The following CDKL5 variants were observed in gnomAD, a reference collection of about 807,000 sequenced individuals.
CDKL5 encodes cyclin dependent kinase like 5.
In CDKL5, 8 loss-of-function variants were observed where a neutral mutation model predicts 61.7. The observed-to-expected ratio is 0.13, with a 90% confidence interval of 0.08 to 0.23. CDKL5 has a LOEUF of 0.23. Ranked by LOEUF, CDKL5 falls within the 10% of genes least tolerant of loss-of-function variation. The pLI is 1.00. For synonymous variants in CDKL5, 275 were observed against 272.3 expected (o/e 1.01, Z -0.10); for missense variants, 440 against 734.5 (o/e 0.60, Z 4.63).
At chrX:18,535,166 A>T (rs755942027) in intron 3 of CDKL5, 1 of 113,774 alleles carries the variant, frequency 8.8e-6, no homozygotes. Context: ...CATTTCCCCA[A>T]TCCTGCTCCT....
chrX:18,496,948 C>G (rs1350450913), intron 1 of CDKL5, among the ~76,000 whole-genome samples: 1 of 109,798 alleles, frequency 9.1e-6, no homozygotes, highest in East Asian at 2.8e-4. Context: ...CTGGGGTGCC[C>G]TTGGCCAAGA....
chrX:18,484,748 T>G (rs187663458), intron 1 of CDKL5, among the ~76,000 whole-genome samples: 85 of 110,401 alleles, frequency 7.7e-4, no homozygotes, highest in African/African-American at 2.7e-3. Flanking sequence ...ATGGTAAATC[T>G]GTAGGGAATT....
intron 1 of CDKL5, among the ~76,000 whole-genome samples, chrX:18,499,469 TC>T (rs1922305097): frequency 9.3e-6 from 1 of 107,789 alleles, no homozygotes. Context: ...CATGCCATTC[TC>T]CTGCCTCAGC....
intron 7 of CDKL5, 150 bp from the exon 8 acceptor site, chrX:18,584,113 A>T: frequency 2.0e-6 from 1 of 489,556 alleles, no homozygotes; most frequent in Non-Finnish European, 3.7e-6. Context: ...TTTTAAGATA[A>T]CAAGGATATT....
intron 3 of CDKL5, among the ~76,000 whole-genome samples, chrX:18,546,541 C>T (rs1056222220): frequency 8.9e-6 from 1 of 111,859 alleles, no homozygotes; most frequent in Non-Finnish European, 1.9e-5. Context: ...GGATTACAGG[C>T]GTGAGCCATT....
At chrX:18,518,385 C>CTTTTTTTTTTTTTTTTTTTTT (rs1195931109) in intron 3 of CDKL5, among the ~76,000 whole-genome samples, 3 of 22,792 alleles carry the variant, frequency 1.3e-4, no homozygotes, top group African/African-American at 4.6e-4. Context: ...CTTTTCTTTT[C>CTTTTTTTTTTTTTTTTTTTTT]TTATTTTTTT....
chrX:18,527,932 T>G (rs1923504219), intron 3 of CDKL5, among the ~76,000 whole-genome samples: 1 of 112,109 alleles, frequency 8.9e-6, no homozygotes, highest in African/African-American at 3.2e-5. Flanking sequence ...AAATTTCTCT[T>G]CAGACTTCTT....
intron 1 of CDKL5, among the ~76,000 whole-genome samples, chrX:18,440,732 A>G (rs1276911193): frequency 2.7e-5 from 3 of 111,430 alleles, no homozygotes; most frequent in Admixed American, 9.6e-5. Flanking sequence ...TTCAGCCTCC[A>G]TATAATCTTT....
intron 1 of CDKL5, among the ~76,000 whole-genome samples, chrX:18,461,071 T>G (rs966679101): frequency 1.3e-4 from 15 of 112,394 alleles, no homozygotes; most frequent in African/African-American, 4.8e-4. Flanking sequence ...TTGTTTCCAT[T>G]TTATTGCATG....
intron 3 of CDKL5, among the ~76,000 whole-genome samples, chrX:18,562,984 A>T (rs1473302954): frequency 8.9e-6 from 1 of 112,347 alleles, no homozygotes; most frequent in Non-Finnish European, 1.9e-5. Flanking sequence ...ATCAGTGGAC[A>T]GTTTTGAACT....
chrX:18,553,465 C>CGCGT (rs1555946409), intron 3 of CDKL5, among the ~76,000 whole-genome samples: 1 of 90,831 alleles, frequency 1.1e-5, no homozygotes, highest in African/African-American at 4.0e-5. Context: ...TGTGTGTGTG[C>CGCGT]GTGTGTGTGT....
At chrX:18,527,611 G>T (rs1305070874) in intron 3 of CDKL5, among the ~76,000 whole-genome samples, 1 of 108,373 alleles carries the variant, frequency 9.2e-6, no homozygotes, top group African/African-American at 3.3e-5. Context: ...AATAATTTGT[G>T]TTTTTTTTTC....
chrX:18,462,299 A>G (rs1420799939), intron 1 of CDKL5, among the ~76,000 whole-genome samples: 7 of 110,780 alleles, frequency 6.3e-5, no homozygotes, highest in Non-Finnish European at 1.1e-4. Context: ...TGCTTGATGG[A>G]ATCATGTAGC....
At chrX:18,607,118 C>T (rs1289623488) in intron 12 of CDKL5, among the ~76,000 whole-genome samples, 1 of 111,656 alleles carries the variant, frequency 9.0e-6, no homozygotes, top group Non-Finnish European at 1.9e-5. Flanking sequence ...GAGGCAAGCT[C>T]CAGGTGCTGA....
At chrX:18,599,801 T>G (rs6629282) in intron 11 of CDKL5, among the ~76,000 whole-genome samples, 33,871 of 110,848 alleles carry the variant, frequency 0.31, 4,114 homozygotes, top group Admixed American at 0.57. Context: ...TAAATTTTCT[T>G]CCCACCTGCA....
chrX:18,474,002 G>A (rs922517094), intron 1 of CDKL5, among the ~76,000 whole-genome samples: 1 of 108,046 alleles, frequency 9.3e-6, no homozygotes, highest in African/African-American at 3.4e-5. Flanking sequence ...CTGAGTAGCT[G>A]GGATTACAGG....
At chrX:18,541,279 C>T (rs1186561479) in intron 3 of CDKL5, among the ~76,000 whole-genome samples, 1 of 111,653 alleles carries the variant, frequency 9.0e-6, no homozygotes, top group African/African-American at 3.3e-5. Context: ...CTCTGTTTGT[C>T]CCATCCTTCT....
chrX:18,472,877 C>A (rs745951928), intron 1 of CDKL5, among the ~76,000 whole-genome samples: 4 of 109,640 alleles, frequency 3.6e-5, no homozygotes, highest in Admixed American at 9.9e-5. Flanking sequence ...TTATTTCCTT[C>A]CTGCAGTCCA....
intron 3 of CDKL5, among the ~76,000 whole-genome samples, chrX:18,522,231 CTAGTCTT>C (rs1347891403): frequency 9.3e-6 from 1 of 108,096 alleles, no homozygotes; most frequent in African/African-American, 3.4e-5. Flanking sequence ...TTTCAGTGTG[CTAGTCTT>C]TTACCTCATT....
Sources: gnomAD v4.1 joint callset for allele counts (sites outside exome capture counted in the v4.1 genomes callset) on GRCh38, gnomAD v4.1.1 for gene constraint, MANE v1.5 for transcripts, NCBI Gene and HGNC (gene_info 2026-07-23, HGNC 2026-07-21) for gene names.